DPPA4: variants seen among roughly 807,000 people sequenced by gnomAD.
DPPA4 encodes the protein developmental pluripotency associated 4.
Under a neutral mutation model 33.7 loss-of-function variants are expected in DPPA4, and 22 were observed. That is an observed-to-expected ratio of 0.65 (90% confidence interval 0.47 to 0.93). DPPA4 has a LOEUF of 0.93. Ranked by LOEUF, DPPA4 falls within the 40% of genes least tolerant of loss-of-function variation. DPPA4 has a pLI of 0.00. For missense variants in DPPA4, 340 were observed against 358.6 expected, an observed-to-expected ratio of 0.95 and a Z score of 0.42; for synonymous variants, 156 against 132.3, an observed-to-expected ratio of 1.18 and a Z score of -1.23.
At chr3:109,329,240 T>C in intron 5 of DPPA4, 152 bp from the exon 6 acceptor site, 1 of 702,064 alleles carries the variant, frequency 1.4e-6, no homozygotes, top group South Asian at 1.9e-5. Context: ...TGTTCTCCTT[T>C]AGAAAAGCAT....
intron 1 of DPPA4, 39 bp downstream of exon 1, chr3:109,337,425 A>G: frequency 6.2e-7 from 1 of 1,600,136 alleles, no homozygotes; most frequent in African/African-American, 1.3e-5. Flanking sequence ...CAGAAACACA[A>G]AGACAGACAG....
chr3:109,330,207 C>T lies in DPPA4; in HGVS notation c.679+317G>A, dbSNP rs1293957573. ...TCCCAGCTACTCAGGAAGGCTGAGG[C>T]AGGAGAATTGCTTGAACCTGGGAGG... On this transcript the variant is annotated intron_variant, in intron 5 of 6. Coordinates refer to ENST00000335658, the MANE Select transcript of DPPA4 (RefSeq NM_018189.4). The T allele has an allele frequency of 2.1e-5, 7 of 330,910 alleles. No individual in the cohort carries two copies. In the East Asian group the frequency reaches 5.0e-4, roughly 23 times the overall value. The allele number at this position is 330,910 out of a possible 1,614,324, so 20.5% of individuals were successfully genotyped here. A position where few individuals can be genotyped will look rare whatever the true frequency, so the allele number is the denominator to read the frequency against.
intron 1 of DPPA4, 89 bp from the exon 2 acceptor site, chr3:109,334,082 C>T (rs1431880132): frequency 2.0e-6 from 3 of 1,469,272 alleles, no homozygotes; most frequent in Admixed American, 2.0e-5. Flanking sequence ...TTCTAAGGCA[C>T]CAACGCAGTT....
At chr3:109,337,185 C>T (rs1708231802) in intron 1 of DPPA4, among the ~76,000 whole-genome samples, 1 of 151,364 alleles carries the variant, frequency 6.6e-6, no homozygotes, top group Admixed American at 6.6e-5. Flanking sequence ...CAGGCGTGAG[C>T]CACCGCGCCC....
intron 1 of DPPA4, chr3:109,336,412 A>C (rs1708214463): frequency 6.6e-6 from 1 of 152,144 alleles, no homozygotes; most frequent in Non-Finnish European, 1.5e-5. Flanking sequence ...ATGGCCGTTC[A>C]GTGCCTGTGC....
chr3:109,327,945 T>C lies in DPPA4; in HGVS notation c.*43A>G. The C allele has an allele frequency of 7.0e-7, 1 of 1,423,294 alleles. No homozygotes were observed. The highest frequency in any genetic ancestry group is 2.3e-5 in the East Asian group (1 of 43,988). The allele number at this position is 1,423,294 out of a possible 1,614,324, so 88.2% of individuals were successfully genotyped here. A position where few individuals can be genotyped will look rare whatever the true frequency, so the allele number is the denominator to read the frequency against. ...ACCGCAGAATCCAACTCTCCAGCTT[T>C]TCTGCCATTAATTACCATAGATGTG... On this transcript the variant is annotated 3_prime_UTR_variant, in exon 7 of 7. Coordinates refer to ENST00000335658, the MANE Select transcript of DPPA4 (RefSeq NM_018189.4).
intron 4 of DPPA4, 47 bp downstream of exon 4, chr3:109,331,687 T>C (rs1708083743): frequency 3.2e-6 from 5 of 1,583,404 alleles, no homozygotes; most frequent in Non-Finnish European, 4.3e-6. Flanking sequence ...GAGGCTACAA[T>C]AGGTAATTAG....
intron 2 of DPPA4, 88 bp from the exon 3 acceptor site, chr3:109,332,119 T>G (rs1708094369): frequency 3.1e-6 from 4 of 1,298,708 alleles, no homozygotes; most frequent in Non-Finnish European, 4.2e-6. Context: ...TTTTTCTTTT[T>G]TGAGACAGAA....
intron 5 of DPPA4, chr3:109,329,597 G>C (rs1024513493): frequency 6.3e-6 from 1 of 157,818 alleles, no homozygotes; most frequent in African/African-American, 2.4e-5. Flanking sequence ...AATCTAGTTG[G>C]AAGTAGTATA....
At chr3:109,331,521 G>A (rs547128228) in intron 4 of DPPA4, among the ~76,000 whole-genome samples, 11 of 120,988 alleles carry the variant, frequency 9.1e-5, no homozygotes, top group South Asian at 2.9e-4. Flanking sequence ...TCCAGCCTGG[G>A]TGACAGTGCA....
intron 5 of DPPA4, chr3:109,329,526 C>T (rs1708010534): frequency 6.1e-6 from 1 of 162,620 alleles, no homozygotes; most frequent in Non-Finnish European, 1.4e-5. Flanking sequence ...CAGAGCGAGA[C>T]TCCATATCAA....
chr3:109,330,675 C>A lies in DPPA4; in HGVS notation c.528G>T (p.Pro176=), dbSNP rs762380241. ...GAGCAGTGGAATTTTCCAGGGCAGG[C>A]GGCTCCCCCACAGGAGGAAGAGCCA... The part of the protein sequence containing the change: ...PEVALPPVGE[P]PALENSTALL... The change falls in exon 5 of 7, where the codon CCG becomes CCT. Residue 176 remains proline (P), a synonymous_variant. Coordinates refer to ENST00000335658, the MANE Select transcript of DPPA4 (RefSeq NM_018189.4). 6.8e-6 allele frequency: 11 copies of A among 1,613,994 alleles called. No homozygotes were observed. In the African/African-American group the frequency reaches 1.3e-4, roughly 20 times the overall value.
At chr3:109,331,662 C>A in intron 4 of DPPA4, 72 bp downstream of exon 4, 1 of 1,436,656 alleles carries the variant, frequency 7.0e-7, no homozygotes. Flanking sequence ...TAAGACAGTT[C>A]CTTTACTCAC....
Position 109,327,690 on chromosome 3 carries a change from C to T in DPPA4, c.*298G>A, listed in dbSNP as rs1350020053. 1.5e-5 allele frequency: 4 copies of T among 268,442 alleles called. No homozygotes were observed. The highest frequency in any genetic ancestry group is 6.7e-5 in the African/African-American group (3 of 44,568). The allele number at this position is 268,442 out of a possible 1,614,324, so 16.6% of individuals were successfully genotyped here. On this transcript the variant is annotated 3_prime_UTR_variant, in exon 7 of 7. Coordinates refer to ENST00000335658, the MANE Select transcript of DPPA4 (RefSeq NM_018189.4). ...CTCAAAATACAACAAAAAAAAGCTG[C>T]TGCTGAAGTCATGTCTATTTTAGAA...
At chr3:109,334,102 C>G in intron 1 of DPPA4, 109 bp from the exon 2 acceptor site, 1 of 1,197,296 alleles carries the variant, frequency 8.4e-7, no homozygotes, top group Non-Finnish European at 1.2e-6. Flanking sequence ...TACTGGACTC[C>G]ACTGGCAGTG....
intron 1 of DPPA4, among the ~76,000 whole-genome samples, chr3:109,335,672 C>T (rs56077340): frequency 1.3e-5 from 2 of 151,644 alleles, no homozygotes; most frequent in Non-Finnish European, 2.9e-5. Flanking sequence ...TCAAGTGATC[C>T]GCCCACCTCA....
At position 109,331,285 on chromosome 3, in the gene DPPA4, GAAAGA is replaced by G. The variant is rs1213867287; in HGVS notation, c.390+444_390+448del. Reference sequence around the variant, plus strand: ...CAAAAAAAAAAAAAAAAAAAAAAAAGAAAGAAAAGAAAAGAAAAGAAATGAAAAGA... The same window carrying G: ...CAAAAAAAAAAAAAAAAAAAAAAAAGAAAGAAAAGAAAAGAAATGAAAAGA... On this transcript the variant is annotated intron_variant, in intron 4 of 6. Transcript: ENST00000335658. 1.4e-3 allele frequency among the ~76,000 whole-genome samples: 128 copies of G among 92,884 alleles called. No individual in the cohort carries two copies. In the East Asian group the frequency reaches 0.016, roughly 12 times the overall value. 60.9% of individuals were successfully genotyped at this position (92,884 alleles called of 152,430 possible).
chr3:109,331,881 G>C lies in DPPA4; in HGVS notation c.329C>G (p.Ser110Cys). ...RAWCQQLKLS[S>C]KGQKLDAYKR... ...AGCCTGGGACCTCACCTGGCCTTTG[G>C]AGCTCAGCTTCAATTGTTGGCACCA... Residue 110 changes from serine (S) to cysteine (C), a missense_variant, in exon 3 of 7, where the codon TCC becomes TGC. Ser to Cys is a moderately radical substitution (Grantham distance 112, BLOSUM62 -1). This residue lies in a region of DPPA4 where 32 missense variants were observed against 60.3 expected (regional missense o/e 0.53). Coordinates refer to ENST00000335658, the MANE Select transcript of DPPA4 (RefSeq NM_018189.4). The C allele has an allele frequency of 6.2e-7, 1 of 1,614,094 alleles. No individual in the cohort carries two copies.
intron 4 of DPPA4, among the ~76,000 whole-genome samples, chr3:109,331,021 T>A (rs1708059768): frequency 6.6e-6 from 1 of 152,070 alleles, no homozygotes; most frequent in Admixed American, 6.6e-5. Context: ...CTCAGGTCTG[T>A]AATCCCAGCA....
Sources: allele counts gnomAD v4.1 joint callset (sites outside exome capture counted in the v4.1 genomes callset), GRCh38; gene constraint gnomAD v4.1.1; regional missense constraint gnomAD v4.1.1; transcripts MANE v1.5; gene names NCBI Gene and HGNC (gene_info 2026-07-23, HGNC 2026-07-21).